The following ZNF423 variants were observed in gnomAD, a reference collection of about 807,000 sequenced individuals.
The protein encoded by ZNF423 is zinc finger protein 423.
A neutral mutation model predicts 95.8 loss-of-function variants in ZNF423; 12 were observed. That is an observed-to-expected ratio of 0.13 (90% CI 0.08 to 0.20). The LOEUF (loss-of-function observed/expected upper bound fraction) is 0.20. Among genes scored for constraint, ZNF423 ranks in the 10% least tolerant of loss-of-function variants. The pLI is 1.00. For missense variants in ZNF423, 1,316 were observed against 1,737.1 expected (o/e 0.76, Z 4.31); for synonymous variants, 749 against 711.9 (o/e 1.05, Z -0.83).
chr16:49,854,923 C>A, intron 1 of ZNF423: 6 of 984,986 alleles, frequency 6.1e-6, no homozygotes, highest in Non-Finnish European at 7.2e-6. Context: ...GGTGCCGGTG[C>A]CCGGGGTCAG....
chr16:49,612,321 A>T (rs1971750856), intron 5 of ZNF423, among the ~76,000 whole-genome samples: 1 of 151,938 alleles, frequency 6.6e-6, no homozygotes, highest in South Asian at 2.1e-4. Flanking sequence ...CAAGGATGCA[A>T]GGCTTACTCA....
intron 1 of ZNF423, chr16:49,847,229 C>T (rs1191595381): frequency 6.6e-6 from 1 of 152,168 alleles, no homozygotes; most frequent in Non-Finnish European, 1.5e-5. Context: ...CCTTTGGGCC[C>T]AAGATGGTCT....
intron 3 of ZNF423, among the ~76,000 whole-genome samples, chr16:49,679,616 C>A (rs1354792284): frequency 6.6e-6 from 1 of 152,226 alleles, no homozygotes; most frequent in African/African-American, 2.4e-5. Flanking sequence ...GGAGGGACAC[C>A]AAGAGGGAGC....
intron 1 of ZNF423, among the ~76,000 whole-genome samples, chr16:49,842,293 G>C (rs188107177): frequency 2.4e-4 from 10 of 41,104 alleles, no homozygotes; most frequent in Non-Finnish European, 3.4e-4. Flanking sequence ...GGAGGGGAGG[G>C]GAGGGGAGGG....
In ZNF423 at chr16:49,847,672, T is replaced by G. The variant is rs113056256; in HGVS notation, c.40+8063A>C. On this transcript the variant is annotated intron_variant, in intron 1 of 7. Transcript: ENST00000563137. ...CATCTTCTAAGCCTCTGTTTCTCAT[T>G]CTTACCCTGGAAATGGGAGGCTGGC... 99 of 147,428 alleles carry G rather than the reference T, an allele frequency of 6.7e-4. 1 individual carries two copies. Among genetic ancestry groups the G allele is most frequent in the African/African-American group, 2.2e-3 (87 of 40,102 alleles). 9.1% of individuals were successfully genotyped at this position (147,428 alleles called of 1,614,324 possible).
In ZNF423 at chr16:49,637,563, G is replaced by A. The variant is rs1407567049; in HGVS notation, c.1613C>T (p.Ser538Phe). Residue 538 changes from serine to phenylalanine, a missense_variant, in exon 4 of 8, where the codon TCC becomes TTC. Physicochemically the swap from Ser to Phe is radical, Grantham distance 155. Around this residue, in one of 6 missense-constraint regions of ZNF423, gnomAD observed 399 missense variants for 478.5 expected, o/e 0.83. Transcript: ENST00000563137. This position sits in a 1 kb window ranked among gnomAD's most constrained non-coding sequence, Gnocchi z 5.6. ...NQCSMGFLTE[S>F]SLTEHIQQAH... ...CTGCTGGATGTGCTCGGTGAGGGAGGACTCAGTAAGGAAACCCATGGAGCA... is the reference window on the plus strand; with the variant it reads ...CTGCTGGATGTGCTCGGTGAGGGAGAACTCAGTAAGGAAACCCATGGAGCA... 6.2e-7 allele frequency: 1 copy of A among 1,613,916 alleles called. No homozygotes were observed. The highest frequency in any genetic ancestry group is 8.5e-7 in the Non-Finnish European group (1 of 1,180,028).
At chr16:49,714,587 A>C (rs2032645507) in intron 3 of ZNF423, among the ~76,000 whole-genome samples, 4 of 147,678 alleles carry the variant, frequency 2.7e-5, no homozygotes. Flanking sequence ...TGGAGGTTGC[A>C]GTGAGCCAAG....
In ZNF423 at chr16:49,660,403, T is replaced by C. The variant is rs1420615107; in HGVS notation, c.302-21529A>G. ...ATGAGAAAACGAATGAATGAATGAATGAATGAATGAATGAATAGTCTAATC... is the reference window on the plus strand; with the variant it reads ...ATGAGAAAACGAATGAATGAATGAACGAATGAATGAATGAATAGTCTAATC... On this transcript the variant is annotated intron_variant, in intron 3 of 7. Transcript: ENST00000563137. Among the ~76,000 whole-genome samples the C allele has an allele frequency of 1.3e-5, 2 of 152,094 alleles. 1 individual carries two copies. The highest frequency in any genetic ancestry group is 1.3e-4 in the Admixed American group (2 of 15,264).
intron 5 of ZNF423, among the ~76,000 whole-genome samples, chr16:49,580,527 G>A (rs1317225403): frequency 6.6e-6 from 1 of 152,178 alleles, no homozygotes; most frequent in African/African-American, 2.4e-5. Context: ...AAAGAACACA[G>A]GCCTTCCAGT....
chr16:49,696,079 C>T (rs902968512), intron 3 of ZNF423, among the ~76,000 whole-genome samples: 2 of 152,172 alleles, frequency 1.3e-5, no homozygotes, highest in South Asian at 2.1e-4. Flanking sequence ...TGGACTCATC[C>T]GTAAAATGGG....
intron 2 of ZNF423, among the ~76,000 whole-genome samples, chr16:49,749,091 G>A (rs977619485): frequency 2.6e-5 from 4 of 152,168 alleles, no homozygotes; most frequent in African/African-American, 9.7e-5. Flanking sequence ...CAGCATAGGA[G>A]AGTAACCTCC....
intron 5 of ZNF423, among the ~76,000 whole-genome samples, chr16:49,596,225 G>A (rs537682341): frequency 4.6e-5 from 7 of 152,110 alleles, no homozygotes; most frequent in Admixed American, 2.6e-4. Flanking sequence ...GCTCCATTCC[G>A]GCAAGTTTTA....
chr16:49,667,440 G>C (rs986975680), intron 3 of ZNF423, among the ~76,000 whole-genome samples: 2 of 152,222 alleles, frequency 1.3e-5, no homozygotes, highest in African/African-American at 4.8e-5. Flanking sequence ...AAATTAAACA[G>C]GGTAAAAAGA....
intron 1 of ZNF423, among the ~76,000 whole-genome samples, chr16:49,845,005 A>G (rs1464712893): frequency 7.5e-6 from 1 of 133,520 alleles, no homozygotes; most frequent in East Asian, 2.5e-4. Context: ...ATTGCACTCA[A>G]GCCTGGGCAT....
intron 4 of ZNF423, among the ~76,000 whole-genome samples, chr16:49,633,060 C>T (rs2151876573): frequency 6.6e-6 from 1 of 152,322 alleles, no homozygotes; most frequent in African/African-American, 2.4e-5. Context: ...GGATGTGGTC[C>T]AGAGCTGCTG....
intron 1 of ZNF423, among the ~76,000 whole-genome samples, chr16:49,839,460 A>T (rs2035159690): frequency 6.6e-6 from 1 of 152,166 alleles, no homozygotes; most frequent in African/African-American, 2.4e-5. Context: ...AGTGGCCCGC[A>T]CAGGCAGGAG....
intron 3 of ZNF423, among the ~76,000 whole-genome samples, chr16:49,687,591 A>G (rs2031614020): frequency 6.6e-6 from 1 of 152,266 alleles, no homozygotes; most frequent in African/African-American, 2.4e-5. Flanking sequence ...GAAAGGCAGG[A>G]ACAATGAAAA....
chr16:49,651,861 A>G (rs886135449), intron 3 of ZNF423, among the ~76,000 whole-genome samples: 3 of 152,186 alleles, frequency 2.0e-5, no homozygotes, highest in Non-Finnish European at 4.4e-5. Context: ...CACCTCCCTG[A>G]GCCCTGATTG....
chr16:49,539,715 T>A (rs1457088620), intron 5 of ZNF423, among the ~76,000 whole-genome samples: 2 of 151,866 alleles, frequency 1.3e-5, no homozygotes, highest in Non-Finnish European at 1.5e-5. Context: ...TGAGACACTG[T>A]CACACCCAGC....
Sources: gnomAD v4.1 joint callset for allele counts (sites outside exome capture counted in the v4.1 genomes callset) on GRCh38, gnomAD v4.1.1 for gene constraint, gnomAD v4.1.1 regional missense constraint, Gnocchi (gnomAD v3.1) non-coding constraint, MANE v1.5 for transcripts, NCBI Gene and HGNC (gene_info 2026-07-23, HGNC 2026-07-21) for gene names.